Variants in DGKB observed in about 807,000 individuals in gnomAD.
DGKB encodes the protein 90 kDa diacylglycerol kinase.
A neutral mutation model predicts 114.3 loss-of-function variants in DGKB; 67 were observed. The observed-to-expected ratio is 0.59, with a 90% CI of 0.48 to 0.72. The LOEUF (loss-of-function observed/expected upper bound fraction) is 0.72, where lower values mean the gene tolerates loss of function less well. Ranked by LOEUF, DGKB falls within the 30% of genes least tolerant of loss-of-function variation. The pLI is 0.00. For synonymous variants in DGKB, 398 were observed against 323.1 expected (o/e 1.23, Z -2.49); for missense variants, 907 against 975.2 (o/e 0.93, Z 0.93).
At chr7:14,732,406 G>C (rs921227689) in intron 5 of DGKB, among the ~76,000 whole-genome samples, 5 of 151,984 alleles carry the variant, frequency 3.3e-5, no homozygotes, top group Admixed American at 6.6e-5. Flanking sequence ...TTATACATTA[G>C]ATAACAGATT....
chr7:14,634,671 G>T (rs751457761), intron 13 of DGKB, among the ~76,000 whole-genome samples: 16 of 151,450 alleles, frequency 1.1e-4, no homozygotes, highest in Non-Finnish European at 1.9e-4. Flanking sequence ...GTAAGATAAA[G>T]AAAAATTGTC....
rs1308059694 is a variant in DGKB, at chr7:14,345,255, C to A, written c.1926+46G>T. On this transcript the variant is annotated intron_variant, in intron 22 of 25. Transcript: ENST00000402815. ...ATGCAAATATACTAACAACAAAGCT[C>A]AAGCCATTTCATCATATTACAAAAG... 2.7e-6 allele frequency: 3 copies of A among 1,124,978 alleles called. No individual in the cohort carries two copies. The Admixed American group carries it at 6.7e-5, about 25-fold the overall frequency. The allele number at this position is 1,124,978 out of a possible 1,614,324, so 69.7% of individuals were successfully genotyped here. A position where few individuals can be genotyped will look rare whatever the true frequency, so the allele number is the denominator to read the frequency against.
intron 2 of DGKB, among the ~76,000 whole-genome samples, chr7:14,783,857 AGT>A (rs1230450174): frequency 2.6e-5 from 4 of 152,216 alleles, no homozygotes; most frequent in Non-Finnish European, 5.9e-5. Context: ...TCTTTTTCAT[AGT>A]AAGTAATTAC....
At chr7:14,468,306 G>C (rs1478368522) in intron 21 of DGKB, among the ~76,000 whole-genome samples, 1 of 151,936 alleles carries the variant, frequency 6.6e-6, no homozygotes, top group African/African-American at 2.4e-5. Context: ...TAGTTTAGAG[G>C]GTCTCTTCTG....
At chr7:14,577,191 G>C (rs1399592032) in intron 19 of DGKB, among the ~76,000 whole-genome samples, 2 of 151,986 alleles carry the variant, frequency 1.3e-5, no homozygotes, top group African/African-American at 4.8e-5. Context: ...TCCAGGCTAA[G>C]AAACAAAATG....
chr7:14,613,507 C>T (rs374281534), intron 15 of DGKB, 94 bp from the exon 16 acceptor site: 4 of 697,676 alleles, frequency 5.7e-6, no homozygotes, highest in Admixed American at 2.5e-5. Flanking sequence ...TACCAATACG[C>T]AATTTCAATA....
At chr7:14,321,779 A>G (rs569024901) in intron 23 of DGKB, among the ~76,000 whole-genome samples, 2 of 152,252 alleles carry the variant, frequency 1.3e-5, no homozygotes, top group Admixed American at 6.5e-5. Context: ...TTAGAGAGTA[A>G]AAGTTAGAAA....
At chr7:14,155,306 G>C (rs1782841594) in intron 25 of DGKB, among the ~76,000 whole-genome samples, 1 of 152,058 alleles carries the variant, frequency 6.6e-6, no homozygotes, top group Non-Finnish European at 1.5e-5. Flanking sequence ...TTTTAGTGTG[G>C]AGGATTGCAA....
intron 4 of DGKB, among the ~76,000 whole-genome samples, chr7:14,745,402 G>C (rs1382157723): frequency 1.3e-5 from 2 of 152,200 alleles, no homozygotes; most frequent in African/African-American, 2.4e-5. Flanking sequence ...AGTACCTCTT[G>C]TGTACCACTT....
chr7:14,631,540 G>T (rs1319233970), intron 13 of DGKB, among the ~76,000 whole-genome samples: 1 of 152,004 alleles, frequency 6.6e-6, no homozygotes, highest in African/African-American at 2.4e-5. Flanking sequence ...ATGAGCTCTG[G>T]CCAACTATCC....
intron 20 of DGKB, among the ~76,000 whole-genome samples, chr7:14,504,487 T>C (rs1219178474): frequency 6.6e-6 from 1 of 152,188 alleles, no homozygotes; most frequent in Non-Finnish European, 1.5e-5. Context: ...CATGTAGAAA[T>C]GAACTTGTTG....
intron 23 of DGKB, among the ~76,000 whole-genome samples, chr7:14,258,156 G>A (rs1430272736): frequency 3.9e-5 from 6 of 152,152 alleles, no homozygotes. Context: ...CTGTGAAAGG[G>A]ATTAATATAA....
chr7:14,173,316 G>T (rs889491034), intron 25 of DGKB, among the ~76,000 whole-genome samples: 7 of 151,944 alleles, frequency 4.6e-5, no homozygotes, highest in Non-Finnish European at 7.4e-5. Flanking sequence ...TTTTCTATTA[G>T]TGACTTTTTT....
At chr7:14,331,799 GGTT>G (rs1458689202) in intron 23 of DGKB, among the ~76,000 whole-genome samples, 6 of 151,982 alleles carry the variant, frequency 3.9e-5, no homozygotes, top group Admixed American at 1.3e-4. Flanking sequence ...TGATCAATTT[GGTT>G]TGTATTGCTT....
intron 17 of DGKB, among the ~76,000 whole-genome samples, chr7:14,605,771 TTTATTAA>T (rs1395747453): frequency 8.5e-5 from 13 of 152,126 alleles, no homozygotes; most frequent in African/African-American, 3.1e-4. Flanking sequence ...CAGTCATGTT[TTTATTAA>T]TTATTAATTC....
chr7:14,228,509 T>G (rs1304589634), intron 23 of DGKB, among the ~76,000 whole-genome samples: 1 of 151,852 alleles, frequency 6.6e-6, no homozygotes, highest in Non-Finnish European at 1.5e-5. Flanking sequence ...GAAAACAATT[T>G]TAGAGCTGTT....
intron 1 of DGKB, among the ~76,000 whole-genome samples, chr7:14,867,187 A>G (rs1200223104): frequency 6.6e-6 from 1 of 152,160 alleles, no homozygotes; most frequent in African/African-American, 2.4e-5. Context: ...TGTCTTCTCA[A>G]TCACTGATAA....
chr7:14,648,058 A>C (rs1813495230), intron 13 of DGKB, among the ~76,000 whole-genome samples: 1 of 152,162 alleles, frequency 6.6e-6, no homozygotes, highest in African/African-American at 2.4e-5. Flanking sequence ...GGCGGCAGCG[A>C]GGCTGGGGGA....
upstream of DGKB, among the ~76,000 whole-genome samples, chr7:14,908,137 C>A (rs1295229567): frequency 1.3e-5 from 2 of 152,084 alleles, no homozygotes; most frequent in African/African-American, 2.4e-5. Flanking sequence ...AAAATGTCCA[C>A]GTTTTATACT....
Sources: allele counts gnomAD v4.1 joint callset (sites outside exome capture counted in the v4.1 genomes callset), GRCh38; gene constraint gnomAD v4.1.1; transcripts MANE v1.5; gene names NCBI Gene and HGNC (gene_info 2026-07-23, HGNC 2026-07-21).